Variants in LIPC observed in about 807,000 individuals in gnomAD.
LIPC encodes the protein lipase C, hepatic type, also known as hepatic triacylglycerol lipase.
Under a neutral mutation model 50.7 loss-of-function variants are expected in LIPC, and 44 were observed. The ratio of observed to expected loss-of-function variants is 0.87; its 90% CI spans 0.68 to 1.11. The LOEUF (loss-of-function observed/expected upper bound fraction) is 1.11, where lower values mean the gene tolerates loss of function less well. Ranked by LOEUF, LIPC falls within the 50% of genes most tolerant of loss-of-function variation. The pLI, the probability that LIPC is intolerant of heterozygous loss-of-function variation, is 0.00. For synonymous variants in LIPC, 271 were observed against 256.4 expected (o/e 1.06, Z -0.54); for missense variants, 697 against 648.2 (o/e 1.08, Z -0.82).
intron 1 of LIPC, among the ~76,000 whole-genome samples, chr15:58,463,908 A>C (rs1182971833): frequency 1.3e-5 from 2 of 152,212 alleles, no homozygotes; most frequent in East Asian, 3.8e-4. Flanking sequence ...GATATTAAAC[A>C]CTTCTGACCC....
At chr15:58,538,274 G>A (rs1349827198) in intron 1 of LIPC, 59 bp from the exon 2 acceptor site, 28 of 1,525,236 alleles carry the variant, frequency 1.8e-5, no homozygotes, top group South Asian at 1.5e-4. Flanking sequence ...TTGAGAAGAC[G>A]GAGGGCTTCA....
chr15:58,551,780 T>C (rs1377183541), intron 6 of LIPC, among the ~76,000 whole-genome samples: 1 of 152,244 alleles, frequency 6.6e-6, no homozygotes, highest in Non-Finnish European at 1.5e-5. Flanking sequence ...CAATGTATTT[T>C]AGTGCAGGGT....
chr15:58,438,976 G>A (rs1424244169), intron 1 of LIPC, among the ~76,000 whole-genome samples: 3 of 152,230 alleles, frequency 2.0e-5, no homozygotes, highest in African/African-American at 7.2e-5. Context: ...AATGCAAGCG[G>A]AGGCCTCTTT....
At chr15:58,561,862 G>C (rs1349833133) in intron 7 of LIPC, among the ~76,000 whole-genome samples, 1 of 152,144 alleles carries the variant, frequency 6.6e-6, no homozygotes, top group Non-Finnish European at 1.5e-5. Context: ...AGAGTATAAA[G>C]AGGCGTGTCC....
intron 1 of LIPC, among the ~76,000 whole-genome samples, chr15:58,480,906 G>A (rs1891163055): frequency 6.6e-6 from 1 of 152,082 alleles, no homozygotes; most frequent in Non-Finnish European, 1.5e-5. Flanking sequence ...GTTCAGTTAT[G>A]TCACAAGCTT....
chr15:58,444,687 C>A (rs1485640455), intron 1 of LIPC, among the ~76,000 whole-genome samples: 1 of 152,170 alleles, frequency 6.6e-6, no homozygotes, highest in South Asian at 2.1e-4. Context: ...TTAAGGCCCA[C>A]CCCAGTGACC....
At chr15:58,500,407 T>C (rs1566930790) in intron 1 of LIPC, among the ~76,000 whole-genome samples, 2 of 152,192 alleles carry the variant, frequency 1.3e-5, no homozygotes, top group South Asian at 2.1e-4. Context: ...CTGAACGTGC[T>C]TCCATGTCTC....
chr15:58,447,147 C>CAAAAAAAAAAAA (rs34289431), intron 1 of LIPC, among the ~76,000 whole-genome samples: 1 of 62,336 alleles, frequency 1.6e-5, no homozygotes, highest in African/African-American at 5.8e-5. Flanking sequence ...GACTCCATCT[C>CAAAAAAAAAAAA]AAAAAAAAAA....
At chr15:58,455,644 ACACTTGT>A (rs1894084147) in intron 1 of LIPC, among the ~76,000 whole-genome samples, 1 of 152,182 alleles carries the variant, frequency 6.6e-6, no homozygotes, top group Non-Finnish European at 1.5e-5. Context: ...CAGCCAACCT[ACACTTGT>A]CATTTGCCAC....
chr15:58,438,564 C>T (rs1002665845), intron 1 of LIPC, among the ~76,000 whole-genome samples: 7 of 152,188 alleles, frequency 4.6e-5, no homozygotes, highest in Non-Finnish European at 1.0e-4. Context: ...GGGGCCGAGC[C>T]TAGTCTGTCC....
At chr15:58,433,979 G>A (rs1434342964) in intron 1 of LIPC, among the ~76,000 whole-genome samples, 2 of 152,164 alleles carry the variant, frequency 1.3e-5, no homozygotes, top group Admixed American at 6.5e-5. Context: ...GTCCTGTGGT[G>A]GAGCCCTTGT....
At chr15:58,532,468 C>G (rs1892987793) in intron 1 of LIPC, among the ~76,000 whole-genome samples, 1 of 152,196 alleles carries the variant, frequency 6.6e-6, no homozygotes, top group Non-Finnish European at 1.5e-5. Flanking sequence ...CCAGAGGACC[C>G]TTGCCAGGTC....
At position 58,482,027 on chromosome 15, in the gene LIPC, C is replaced by T. The variant is rs114583630; in HGVS notation, c.88+49907C>T. On this transcript the variant is annotated intron_variant, in intron 1 of 8. Transcript: ENST00000299022. ...GCCTGGGGTCAGAAGCAGGAGGAGA[C>T]TTGTCACTATATTCGGTATTCTCAT... Among the ~76,000 whole-genome samples the T allele has an allele frequency of 8.0e-3, 1,220 of 152,316 alleles. 17 individuals carry two copies. The highest frequency in any genetic ancestry group is 0.027 in the African/African-American group (1,120 of 41,552).
At chr15:58,517,704 C>T (rs1181072190) in intron 1 of LIPC, among the ~76,000 whole-genome samples, 3 of 152,208 alleles carry the variant, frequency 2.0e-5, no homozygotes, top group Non-Finnish European at 2.9e-5. Context: ...ACTATTCTTG[C>T]ATTGACATTA....
chr15:58,542,225 C>G (rs368843194), intron 3 of LIPC, among the ~76,000 whole-genome samples: 1 of 152,144 alleles, frequency 6.6e-6, no homozygotes, highest in Admixed American at 6.5e-5. Context: ...CTTAGACATG[C>G]TAAGGGATAC....
chr15:58,559,216 TCTC>T (rs1361355670), intron 6 of LIPC, among the ~76,000 whole-genome samples: 1 of 152,194 alleles, frequency 6.6e-6, no homozygotes, highest in Non-Finnish European at 1.5e-5. Flanking sequence ...TTTTTGAAAT[TCTC>T]CTATGACAAA....
chr15:58,439,487 A>C (rs1893429704), intron 1 of LIPC, among the ~76,000 whole-genome samples: 1 of 152,214 alleles, frequency 6.6e-6, no homozygotes, highest in East Asian at 1.9e-4. Context: ...TCTGTCGCCC[A>C]GGCTGGAGTG....
At chr15:58,470,580 A>G (rs892400601) in intron 1 of LIPC, among the ~76,000 whole-genome samples, 2 of 149,632 alleles carry the variant, frequency 1.3e-5, no homozygotes, top group African/African-American at 4.9e-5. Flanking sequence ...AAATACAGAA[A>G]GAATTGCATT....
At chr15:58,438,394 C>T (rs1020428102) in intron 1 of LIPC, among the ~76,000 whole-genome samples, 8 of 152,162 alleles carry the variant, frequency 5.3e-5, no homozygotes, top group South Asian at 2.1e-4. Context: ...AGGTACTGTG[C>T]GCTGGCCCCC....
Sources: gnomAD v4.1 joint callset for allele counts (sites outside exome capture counted in the v4.1 genomes callset) on GRCh38, gnomAD v4.1.1 for gene constraint, MANE v1.5 for transcripts, NCBI Gene and HGNC (gene_info 2026-07-23, HGNC 2026-07-21) for gene names.